The following MYO5B variants were observed in gnomAD, a reference collection of about 807,000 sequenced individuals.
MYO5B encodes unconventional myosin-Vb.
MYO5B carries 143 observed loss-of-function variants against 229.3 expected under a neutral mutation model. That is an observed-to-expected ratio of 0.62 (90% CI 0.54 to 0.72). The LOEUF is 0.72. Ranked by LOEUF, MYO5B falls within the 30% of genes least tolerant of loss-of-function variation. MYO5B has a pLI of 0.00. For missense variants in MYO5B, 2,321 were observed against 2,331.0 expected (o/e 1.00, Z 0.09); for synonymous variants, 918 against 885.2 (o/e 1.04, Z -0.66).
chr18:49,846,388 T>A (rs539557722), intron 33 of MYO5B, among the ~76,000 whole-genome samples: 8 of 152,204 alleles, frequency 5.3e-5, no homozygotes, highest in South Asian at 2.1e-4. Flanking sequence ...GGACCATGTA[T>A]GAGCAACGAA....
intron 1 of MYO5B, among the ~76,000 whole-genome samples, chr18:50,090,758 G>C (rs1464291009): frequency 6.6e-6 from 1 of 152,126 alleles, no homozygotes; most frequent in Non-Finnish European, 1.5e-5. Flanking sequence ...TGCAGCACAG[G>C]GGAGCTGCTG....
intron 39 of MYO5B, among the ~76,000 whole-genome samples, chr18:49,828,161 C>T (rs1240165515): frequency 2.0e-5 from 3 of 152,192 alleles, no homozygotes. Context: ...ATATGGAGGG[C>T]TGACTGTATA....
At chr18:50,193,872 G>A (rs1043684417) in intron 1 of MYO5B, among the ~76,000 whole-genome samples, 9 of 152,250 alleles carry the variant, frequency 5.9e-5, no homozygotes, top group Non-Finnish European at 1.2e-4. Context: ...AGCTCCCCTG[G>A]AAGCGGTGGC....
chr18:50,087,653 A>G (rs1043666804), intron 1 of MYO5B, among the ~76,000 whole-genome samples: 1 of 152,164 alleles, frequency 6.6e-6, no homozygotes, highest in African/African-American at 2.4e-5. Context: ...TGTGTCTGTC[A>G]TCTATGCAGA....
In MYO5B at chr18:49,877,789, T is replaced by C. The variant is rs375254329; in HGVS notation, c.3370A>G (p.Thr1124Ala). ...TCCACCTGCTGGAGGGCATCCTCAGTGTCTCCGATCTCAGATGTGGAGATG... is the reference window on the plus strand; with the variant it reads ...TCCACCTGCTGGAGGGCATCCTCAGCGTCTCCGATCTCAGATGTGGAGATG... ...PSISTSEIGD[T>A]EDALQQVEEI... The change falls in exon 25 of 40, where the codon ACT (threonine) becomes GCT (alanine). Residue 1124 changes from threonine (T) to alanine (A), a missense_variant. Physicochemically the swap from Thr to Ala is moderately conservative, Grantham distance 58. This residue lies in a region of MYO5B where 2,113 missense variants were observed against 2,044.7 expected (regional missense o/e 1.03). Transcript: ENST00000285039. The C allele has an allele frequency of 5.7e-5, 92 of 1,613,994 alleles. No homozygotes were observed. Among genetic ancestry groups the C allele is most frequent in the Non-Finnish European group, 7.6e-5 (90 of 1,179,986 alleles).
At chr18:49,888,338 C>T (rs1033089069) in intron 22 of MYO5B, among the ~76,000 whole-genome samples, 2 of 151,996 alleles carry the variant, frequency 1.3e-5, no homozygotes, top group South Asian at 2.1e-4. Flanking sequence ...AAAATCACCC[C>T]GATTGAGAAT....
chr18:50,146,086 T>G (rs1470867991), intron 1 of MYO5B, among the ~76,000 whole-genome samples: 1 of 152,242 alleles, frequency 6.6e-6, no homozygotes, highest in Non-Finnish European at 1.5e-5. Flanking sequence ...TAATTATGAT[T>G]TATTGAGGGC....
intron 2 of MYO5B, among the ~76,000 whole-genome samples, chr18:50,042,011 T>C: frequency 6.6e-6 from 1 of 152,178 alleles, no homozygotes; most frequent in Non-Finnish European, 1.5e-5. Context: ...ACTTCATCAG[T>C]AACCAAAGAG....
intron 1 of MYO5B, among the ~76,000 whole-genome samples, chr18:50,113,393 G>T (rs1300016387): frequency 6.6e-6 from 1 of 152,160 alleles, no homozygotes; most frequent in Non-Finnish European, 1.5e-5. Context: ...GCACTGTAGG[G>T]CTCACCATGG....
At chr18:49,868,718 C>T (rs1229897056) in intron 27 of MYO5B, among the ~76,000 whole-genome samples, 1 of 152,212 alleles carries the variant, frequency 6.6e-6, no homozygotes, top group Non-Finnish European at 1.5e-5. Flanking sequence ...CTTTTGCACA[C>T]TGGCCGGGGC....
At chr18:49,978,520 C>T (rs1001371620) in intron 9 of MYO5B, among the ~76,000 whole-genome samples, 3 of 152,116 alleles carry the variant, frequency 2.0e-5, no homozygotes, top group Non-Finnish European at 4.4e-5. Context: ...TCTTACTCTC[C>T]TGTGTGCCAC....
chr18:49,979,791 A>G (rs567166907), intron 9 of MYO5B, among the ~76,000 whole-genome samples: 1 of 152,314 alleles, frequency 6.6e-6, no homozygotes, highest in African/African-American at 2.4e-5. Context: ...GCTTTTCCCA[A>G]CACCATTAAA....
At chr18:50,159,202 G>C (rs1324058831) in intron 1 of MYO5B, among the ~76,000 whole-genome samples, 1 of 152,148 alleles carries the variant, frequency 6.6e-6, no homozygotes, top group Admixed American at 6.5e-5. Flanking sequence ...AGTTAACCCA[G>C]GGAAGATCTC....
intron 2 of MYO5B, 111 bp from the exon 3 acceptor site, chr18:50,040,425 T>C: frequency 9.2e-7 from 1 of 1,090,384 alleles, no homozygotes; most frequent in South Asian, 1.3e-5. Flanking sequence ...TAGTAAGTAA[T>C]GAAGATAATG....
intron 18 of MYO5B, among the ~76,000 whole-genome samples, chr18:49,911,380 G>C (rs2024955601): frequency 6.6e-6 from 1 of 152,082 alleles, no homozygotes; most frequent in Admixed American, 6.5e-5. Context: ...GGAAGGCCTA[G>C]AAGTTTGCAT....
At position 50,195,038 on chromosome 18, in the gene MYO5B, G is replaced by A; in HGVS notation, c.-245C>T. 2.6e-6 allele frequency: 1 copy of A among 380,872 alleles called. No individual in the cohort carries two copies. Among genetic ancestry groups the A allele is most frequent in the Non-Finnish European group, 4.4e-6 (1 of 225,842 alleles). The allele number at this position is 380,872 out of a possible 1,614,324, so 23.6% of individuals were successfully genotyped here. A position where few individuals can be genotyped will look rare whatever the true frequency, so the allele number is the denominator to read the frequency against. On this transcript the variant is annotated 5_prime_UTR_variant, in exon 1 of 40. Coordinates refer to ENST00000285039, the MANE Select transcript of MYO5B (RefSeq NM_001080467.3). Reference sequence around the variant, plus strand: ...ACAGGAGTTGCGAGCGCCGGGGGAGGAGGCCGCGCCGCACCACTCCCCTCC... The same window carrying A: ...ACAGGAGTTGCGAGCGCCGGGGGAGAAGGCCGCGCCGCACCACTCCCCTCC...
chr18:50,119,172 G>A (rs1019757228), intron 1 of MYO5B, among the ~76,000 whole-genome samples: 1 of 152,294 alleles, frequency 6.6e-6, no homozygotes. Context: ...GATCTGAGGT[G>A]GGGCCCAGGA....
chr18:49,930,259 T>C (rs1248538150), intron 16 of MYO5B, among the ~76,000 whole-genome samples: 1 of 152,234 alleles, frequency 6.6e-6, no homozygotes, highest in African/African-American at 2.4e-5. Context: ...ACGTTGTGTA[T>C]GCTGTTAGCT....
rs145970550 is a variant in MYO5B at position 50,022,968 on chromosome 18, T to C, written c.455+13882A>G. Among the ~76,000 whole-genome samples the C allele has an allele frequency of 3.4e-3, 515 of 152,256 alleles. 3 individuals are homozygous for C. Among genetic ancestry groups the C allele is most frequent in the Middle Eastern group, 0.017 (5 of 294 alleles). Reference sequence around the variant, plus strand: ...TGTTTAAGATAACAGCAGACCAGCATTGTTGGAGGAGGCAACTGACAAACC... The same window carrying C: ...TGTTTAAGATAACAGCAGACCAGCACTGTTGGAGGAGGCAACTGACAAACC... On this transcript the variant is annotated intron_variant, in intron 4 of 39. Transcript: ENST00000285039.
Sources: allele counts gnomAD v4.1 joint callset (sites outside exome capture counted in the v4.1 genomes callset), GRCh38; gene constraint gnomAD v4.1.1; regional missense constraint gnomAD v4.1.1; transcripts MANE v1.5; gene names NCBI Gene and HGNC (gene_info 2026-07-23, HGNC 2026-07-21).